Variants in POU2F2 observed in about 807,000 individuals in gnomAD.
The protein encoded by POU2F2 is POU domain, class 2, transcription factor 2.
In POU2F2, 14 loss-of-function variants were observed where a neutral mutation model predicts 63.5. The observed-to-expected ratio is 0.22, with a 90% CI of 0.15 to 0.34. The LOEUF is 0.34. Among genes scored for constraint, POU2F2 ranks in the 10% least tolerant of loss-of-function variants. The pLI is 1.00. For synonymous variants in POU2F2, 306 were observed against 348.6 expected, an observed-to-expected ratio of 0.88 and a Z score of 1.36; for missense variants, 607 against 815.2, an observed-to-expected ratio of 0.74 and a Z score of 3.11.
chr19:42,148,143 T>A (rs1447652904), intron 2 of POU2F2, among the ~76,000 whole-genome samples: 3 of 151,556 alleles, frequency 2.0e-5, no homozygotes, highest in Non-Finnish European at 4.4e-5. Flanking sequence ...AATCTCATAC[T>A]CCTCAGCTGA....
intron 5 of POU2F2, among the ~76,000 whole-genome samples, chr19:42,116,542 G>A (rs2031888347): frequency 6.6e-6 from 1 of 152,286 alleles, no homozygotes; most frequent in Non-Finnish European, 1.5e-5. Flanking sequence ...CCCTCTGTAA[G>A]ATGGGACAGC....
intron 5 of POU2F2, chr19:42,116,729 G>T (rs1188760023): frequency 1.5e-5 from 5 of 343,790 alleles, no homozygotes; most frequent in Non-Finnish European, 2.9e-5. Flanking sequence ...AGCTGGATGG[G>T]TTGGGACAAG....
chr19:42,126,585 C>T (rs1240154618), intron 1 of POU2F2, among the ~76,000 whole-genome samples: 2 of 152,178 alleles, frequency 1.3e-5, no homozygotes, highest in Non-Finnish European at 2.9e-5. Flanking sequence ...CTGACATCCT[C>T]GTCTTTAACT....
chr19:42,091,600 G>A lies in POU2F2; in HGVS notation c.1541-9C>T, dbSNP rs1369220300. 3 of 1,538,332 alleles carry A rather than the reference G, an allele frequency of 2.0e-6. No homozygotes were observed. The highest frequency in any genetic ancestry group is 2.5e-5 in the South Asian group (2 of 81,114). On this transcript the variant is annotated splice_polypyrimidine_tract_variant and intron_variant, in intron 14 of 14. Transcript: ENST00000692977. ...TCCACCAGAGGCCAGGGCTGGCGGG[G>A]AGAGAGAGAGGCTGGGCTAAGGGCA...
chr19:42,092,137 G>A lies in POU2F2; in HGVS notation c.1398C>T (p.Asn466=). 1 of 1,585,226 alleles carries A rather than the reference G, an allele frequency of 6.3e-7. No individual in the cohort carries two copies. Among genetic ancestry groups the A allele is most frequent in the Non-Finnish European group, 8.6e-7 (1 of 1,167,236 alleles). The part of the protein sequence containing the change: ...SVTPPPPATT[N]STNPSPQGSH... Reference sequence around the variant, plus strand: ...TGCCTTGAGGGCTGGGGTTTGTGCTGTTGGTGGTGGCCGGGGGTGGGGGAG... The same window carrying A: ...TGCCTTGAGGGCTGGGGTTTGTGCTATTGGTGGTGGCCGGGGGTGGGGGAG... Residue 466 remains asparagine (N), a synonymous_variant, in exon 13 of 15, where the codon AAC becomes AAT. Coordinates refer to ENST00000692977, the MANE Select transcript of POU2F2 (RefSeq NM_001394376.1). The surrounding 1 kb of genome is among the most constrained non-coding windows in gnomAD (Gnocchi z 5.0).
At chr19:42,146,333 T>A (rs905128231) in intron 2 of POU2F2, among the ~76,000 whole-genome samples, 3 of 152,200 alleles carry the variant, frequency 2.0e-5, no homozygotes, top group Middle Eastern at 3.2e-3. Flanking sequence ...CCCTGTCCCA[T>A]TGGCTCAGCA....
intron 1 of POU2F2, among the ~76,000 whole-genome samples, chr19:42,170,067 C>T (rs2034729912): frequency 1.3e-5 from 2 of 151,900 alleles, no homozygotes; most frequent in African/African-American, 4.8e-5. Context: ...GCTCAAAGGT[C>T]ATGGGGGGAA....
At chr19:42,102,996 T>C (rs2077200196) in intron 5 of POU2F2, among the ~76,000 whole-genome samples, 2 of 151,910 alleles carry the variant, frequency 1.3e-5, no homozygotes. Flanking sequence ...CTATCCCTCC[T>C]TGGCTGTGCT....
At chr19:42,144,047 T>G (rs1410511503) in intron 2 of POU2F2, among the ~76,000 whole-genome samples, 1 of 152,210 alleles carries the variant, frequency 6.6e-6, no homozygotes, top group East Asian at 1.9e-4. Context: ...TCTCATCCTG[T>G]CTTTTAGAAG....
At chr19:42,132,547 C>A, upstream of POU2F2, 1 of 800,310 alleles carries the variant, frequency 1.2e-6, no homozygotes, top group Non-Finnish European at 1.8e-6. Context: ...GGGAAAATAC[C>A]CTGGCCCACA....
At chr19:42,166,175 C>G (rs2034645421) in intron 1 of POU2F2, among the ~76,000 whole-genome samples, 2 of 152,196 alleles carry the variant, frequency 1.3e-5, no homozygotes, top group Non-Finnish European at 2.9e-5. Flanking sequence ...CACAAGCTCC[C>G]CATCACCTGA....
chr19:42,112,033 T>C (rs994917938), intron 5 of POU2F2, among the ~76,000 whole-genome samples: 2 of 152,196 alleles, frequency 1.3e-5, no homozygotes, highest in Non-Finnish European at 2.9e-5. Flanking sequence ...TACCTACATA[T>C]GGACTGCATA....
chr19:42,113,299 A>G (rs1011870753), intron 5 of POU2F2, among the ~76,000 whole-genome samples: 8 of 152,168 alleles, frequency 5.3e-5, no homozygotes, highest in Non-Finnish European at 1.0e-4. Context: ...TATCTCTCCT[A>G]TCCTTGATTG....
chr19:42,151,367 A>G (rs1026905507), intron 2 of POU2F2, among the ~76,000 whole-genome samples: 1 of 151,918 alleles, frequency 6.6e-6, no homozygotes, highest in African/African-American at 2.4e-5. Flanking sequence ...GTCAAGGCTA[A>G]GGTGATTCCT....
chr19:42,119,133 A>AAG (rs981800265), intron 4 of POU2F2, among the ~76,000 whole-genome samples: 10 of 151,506 alleles, frequency 6.6e-5, no homozygotes, highest in African/African-American at 1.7e-4. Flanking sequence ...TTAAAAAAAA[A>AAG]AGAGAGAGAG....
At chr19:42,151,802 G>A (rs945795399) in intron 2 of POU2F2, among the ~76,000 whole-genome samples, 1 of 152,204 alleles carries the variant, frequency 6.6e-6, no homozygotes, top group South Asian at 2.1e-4. Context: ...TATGGAGAGG[G>A]AAGAGGAGGC....
At chr19:42,158,815 G>A (rs935542440) in intron 2 of POU2F2, among the ~76,000 whole-genome samples, 16 of 152,162 alleles carry the variant, frequency 1.1e-4, no homozygotes, top group Non-Finnish European at 1.8e-4. Context: ...ACTTTCAGAC[G>A]TTCCTCAAAG....
At position 42,096,317 on chromosome 19, in the gene POU2F2, C is replaced by T. The variant is rs2076920525; in HGVS notation, c.568-74G>A. 1.4e-6 allele frequency: 2 copies of T among 1,382,162 alleles called. No homozygotes were observed. The highest frequency in any genetic ancestry group is 1.9e-6 in the Non-Finnish European group (2 of 1,042,508). The allele number at this position is 1,382,162 out of a possible 1,614,324, so 85.6% of individuals were successfully genotyped here. ...GGGCTCAGCGATGGGTGCACAGTCC[C>T]CCTCCCGCCCTCTTCGCCCCTGCGT... On this transcript the variant is annotated intron_variant, in intron 7 of 14. Transcript: ENST00000692977. The surrounding 1 kb of genome is among the most constrained non-coding windows in gnomAD (Gnocchi z 4.1).
In POU2F2 at chr19:42,153,504, G is replaced by A. The variant is rs991289596; in HGVS notation, c.-9+6828C>T. The stretch of plus-strand genomic sequence containing the variant: ...CCCCTGACAGAGTGTGTCTGAGCAC[G>A]GATGCTGCTGTGCGTGAGCCTCCAT... On this transcript the variant is annotated intron_variant, in intron 2 of 6. Coordinates refer to the POU2F2 transcript ENST00000524801. This position sits in a 1 kb window ranked among gnomAD's most constrained non-coding sequence, Gnocchi z 5.6. 3.9e-5 allele frequency among the ~76,000 whole-genome samples: 6 copies of A among 152,264 alleles called. No homozygotes were observed. Among genetic ancestry groups the A allele is most frequent in the Admixed American group, 1.3e-4 (2 of 15,290 alleles).
Sources: gnomAD v4.1 joint callset for allele counts (sites outside exome capture counted in the v4.1 genomes callset) on GRCh38, gnomAD v4.1.1 for gene constraint, Gnocchi (gnomAD v3.1) non-coding constraint, MANE v1.5 for transcripts, NCBI Gene and HGNC (gene_info 2026-07-23, HGNC 2026-07-21) for gene names.